The following CAMTA1 variants were observed in gnomAD, a reference collection of about 807,000 sequenced individuals.
The protein encoded by CAMTA1 is calmodulin binding transcription activator 1.
A neutral mutation model predicts 170.9 loss-of-function variants in CAMTA1; 27 were observed. The ratio of observed to expected loss-of-function variants is 0.16; its 90% confidence interval spans 0.12 to 0.22. The LOEUF (loss-of-function observed/expected upper bound fraction) is 0.22. Ranked by LOEUF, CAMTA1 falls within the 10% of genes least tolerant of loss-of-function variation. CAMTA1 has a pLI of 1.00. For missense variants in CAMTA1, 1,619 were observed against 2,217.2 expected (o/e 0.73, Z 5.42); for synonymous variants, 833 against 891.5 (o/e 0.93, Z 1.17).
At chr1:7,496,307 G>A (rs1318761614) in intron 6 of CAMTA1, among the ~76,000 whole-genome samples, 2 of 152,204 alleles carry the variant, frequency 1.3e-5, no homozygotes, top group East Asian at 1.9e-4. Flanking sequence ...TGGGGCACGT[G>A]AGCTCGTGAC....
chr1:7,662,529 C>G (rs766380158), intron 8 of CAMTA1, among the ~76,000 whole-genome samples: 24 of 152,060 alleles, frequency 1.6e-4, no homozygotes, highest in African/African-American at 5.6e-4. Context: ...TAAAGTGACC[C>G]TTATCAGATG....
chr1:7,699,098 A>ATG (rs1291538092), intron 11 of CAMTA1, among the ~76,000 whole-genome samples: 3 of 151,992 alleles, frequency 2.0e-5, no homozygotes, highest in African/African-American at 4.8e-5. Flanking sequence ...TCCTTTGTCT[A>ATG]TGTGTGTGTG....
At chr1:7,728,222 G>A (rs1411251670) in intron 11 of CAMTA1, among the ~76,000 whole-genome samples, 2 of 152,238 alleles carry the variant, frequency 1.3e-5, no homozygotes, top group African/African-American at 2.4e-5. Flanking sequence ...ACCGGGTGAC[G>A]CCGTGGGCAG....
intron 3 of CAMTA1, among the ~76,000 whole-genome samples, chr1:6,968,592 T>A (rs1268509663): frequency 6.6e-6 from 1 of 152,082 alleles, no homozygotes; most frequent in Non-Finnish European, 1.5e-5. Context: ...AGGCAGTAGT[T>A]AGGATTGTGA....
At chr1:7,275,996 A>G (rs1018151623) in intron 5 of CAMTA1, among the ~76,000 whole-genome samples, 1 of 151,964 alleles carries the variant, frequency 6.6e-6, no homozygotes, top group Non-Finnish European at 1.5e-5. Context: ...CCATAACAAG[A>G]TATTAGCAAA....
chr1:7,192,535 A>G (rs1573788902), intron 4 of CAMTA1, among the ~76,000 whole-genome samples: 1 of 152,158 alleles, frequency 6.6e-6, no homozygotes, highest in Non-Finnish European at 1.5e-5. Flanking sequence ...TAGATCTAGA[A>G]CCTGAGGCTG....
At chr1:7,507,742 C>T (rs1485804567) in intron 6 of CAMTA1, among the ~76,000 whole-genome samples, 3 of 152,192 alleles carry the variant, frequency 2.0e-5, no homozygotes, top group African/African-American at 7.2e-5. Context: ...GCCCACGGGC[C>T]ACGTCCAGAT....
Position 7,634,195 on chromosome 1 carries a change from G to A in CAMTA1, c.511-6205G>A, listed in dbSNP as rs543452879. On this transcript the variant is annotated intron_variant, in intron 6 of 22. Transcript: ENST00000303635. This position sits in a 1 kb window ranked among gnomAD's most constrained non-coding sequence, Gnocchi z 6.2. ...GGGAGGAGGGCACACTCCCACGTGC[G>A]CAGGAGAGCAGGTGGAGGATCAGAC... Among the ~76,000 whole-genome samples the A allele has an allele frequency of 2.0e-5, 3 of 152,208 alleles. No individual in the cohort carries two copies. The highest frequency in any genetic ancestry group is 2.9e-5 in the Non-Finnish European group (2 of 68,040).
chr1:7,413,040 A>G (rs1231403320), intron 5 of CAMTA1, among the ~76,000 whole-genome samples: 1 of 150,298 alleles, frequency 6.7e-6, no homozygotes, highest in African/African-American at 2.4e-5. Context: ...TGTTTTTCTC[A>G]GGTTTGTCAA....
chr1:7,045,307 C>T (rs544565873), intron 3 of CAMTA1, among the ~76,000 whole-genome samples: 6 of 152,338 alleles, frequency 3.9e-5, no homozygotes, highest in African/African-American at 1.2e-4. Context: ...CCAACCTCTC[C>T]TGGAAGGGCA....
At chr1:6,832,611 G>A (rs1650833920) in intron 3 of CAMTA1, among the ~76,000 whole-genome samples, 1 of 152,124 alleles carries the variant, frequency 6.6e-6, no homozygotes, top group South Asian at 2.1e-4. Flanking sequence ...GAGCTAAGCT[G>A]AAAAGCACCA....
chr1:6,902,078 A>AAAAAAC (rs1289084830), intron 3 of CAMTA1, among the ~76,000 whole-genome samples: 1,054 of 86,412 alleles, frequency 0.012, 12 homozygotes, highest in Non-Finnish European at 0.022. Flanking sequence ...CACACAAAAA[A>AAAAAAC]AAAAATAAAA....
At chr1:6,808,431 C>T (rs1391237937) in intron 1 of CAMTA1, among the ~76,000 whole-genome samples, 1 of 152,146 alleles carries the variant, frequency 6.6e-6, no homozygotes, top group Non-Finnish European at 1.5e-5. Flanking sequence ...AGAAGTTGCA[C>T]CTGCCTCAGG....
At position 7,682,451 on chromosome 1, in the gene CAMTA1, C is replaced by G. The variant is rs895881482; in HGVS notation, c.2914+4718C>G. On this transcript the variant is annotated intron_variant, in intron 11 of 22. Transcript: ENST00000303635. The surrounding 1 kb of genome is among the most constrained non-coding windows in gnomAD (Gnocchi z 5.0). ...TTTGGCCTTCTGATCCGTCCACGCT[C>G]TCTGTGCTAACAGATGGAAGATGTG... is the stretch of plus-strand genomic sequence containing the variant. Among the ~76,000 whole-genome samples the G allele has an allele frequency of 6.6e-6, 1 of 152,252 alleles. No homozygotes were observed. The highest frequency in any genetic ancestry group is 1.5e-5 in the Non-Finnish European group (1 of 68,052).
At chr1:7,692,072 C>T (rs1336011726) in intron 11 of CAMTA1, among the ~76,000 whole-genome samples, 1 of 152,078 alleles carries the variant, frequency 6.6e-6, no homozygotes, top group African/African-American at 2.4e-5. Context: ...CTTTAGGATC[C>T]AGCCACCCGG....
At chr1:7,718,853 C>CT (rs1380463151) in intron 11 of CAMTA1, among the ~76,000 whole-genome samples, 65,207 of 134,334 alleles carry the variant, frequency 0.49, 15,834 homozygotes, top group East Asian at 0.66. Flanking sequence ...CCGGTCAGCC[C>CT]TTTTTTTTTT....
intron 11 of CAMTA1, among the ~76,000 whole-genome samples, chr1:7,683,118 C>A (rs1257409397): frequency 6.8e-6 from 1 of 146,798 alleles, no homozygotes; most frequent in Non-Finnish European, 1.5e-5. Context: ...GAGCTTGCAG[C>A]AAGCTGAGAT....
chr1:7,755,565 A>G (rs1577445966), intron 21 of CAMTA1, 73 bp from the exon 22 acceptor site: 1 of 1,142,188 alleles, frequency 8.8e-7, no homozygotes, highest in East Asian at 2.4e-5. Flanking sequence ...TTGTTGAAAT[A>G]AAGCTATTTG....
intron 1 of CAMTA1, among the ~76,000 whole-genome samples, chr1:6,786,033 C>T (rs1254208258): frequency 2.6e-5 from 4 of 151,678 alleles, no homozygotes; most frequent in East Asian, 2.0e-4. Flanking sequence ...CGCCCCACTG[C>T]TCCGGGCCGG....
Sources: gnomAD v4.1 joint callset for allele counts (sites outside exome capture counted in the v4.1 genomes callset) on GRCh38, gnomAD v4.1.1 for gene constraint, Gnocchi (gnomAD v3.1) non-coding constraint, MANE v1.5 for transcripts, NCBI Gene and HGNC (gene_info 2026-07-23, HGNC 2026-07-21) for gene names.